The following SLC14A2 variants were observed in gnomAD, a reference collection of about 807,000 sequenced individuals.
SLC14A2 encodes the protein solute carrier family 14 member 2, also known as urea transporter 2.
A neutral mutation model predicts 104.6 loss-of-function variants in SLC14A2; 91 were observed. The observed-to-expected ratio is 0.87, with a 90% CI of 0.73 to 1.04. The LOEUF is 1.04. SLC14A2 is among the 50% of genes least tolerant of loss of function. SLC14A2 has a pLI of 0.00. For missense variants in SLC14A2, 1,189 were observed against 1,156.0 expected, an observed-to-expected ratio of 1.03 and a Z score of -0.41; for synonymous variants, 476 against 466.4, an observed-to-expected ratio of 1.02 and a Z score of -0.27.
intron 2 of SLC14A2, among the ~76,000 whole-genome samples, chr18:45,564,207 A>G (rs7243249): frequency 0.041 from 6,279 of 152,280 alleles, 453 homozygotes; most frequent in African/African-American, 0.14. Flanking sequence ...TCTTGACAAG[A>G]GAGAACTTTT....
chr18:45,315,590 T>G (rs1041524860), intron 1 of SLC14A2, among the ~76,000 whole-genome samples: 5 of 152,072 alleles, frequency 3.3e-5, no homozygotes, highest in Non-Finnish European at 5.9e-5. Flanking sequence ...ATGTTGTGTC[T>G]CAGAACCATC....
At chr18:45,289,890 G>GATCTTC in intron 1 of SLC14A2, among the ~76,000 whole-genome samples, 1 of 152,212 alleles carries the variant, frequency 6.6e-6, no homozygotes, top group Non-Finnish European at 1.5e-5. Context: ...AGATCACTCA[G>GATCTTC]TGGCCTGATA....
chr18:45,391,175 G>A (rs969790879), intron 1 of SLC14A2, among the ~76,000 whole-genome samples: 1 of 152,074 alleles, frequency 6.6e-6, no homozygotes, highest in Non-Finnish European at 1.5e-5. Context: ...AACATGTGGT[G>A]TTTGGTTTTT....
intron 2 of SLC14A2, among the ~76,000 whole-genome samples, chr18:45,561,653 A>G (rs916364523): frequency 6.6e-6 from 1 of 152,210 alleles, no homozygotes; most frequent in African/African-American, 2.4e-5. Context: ...TTCAGAAGGA[A>G]TTAAAAACTC....
intron 1 of SLC14A2, among the ~76,000 whole-genome samples, chr18:45,234,639 T>C (rs1203425060): frequency 1.3e-5 from 2 of 152,214 alleles, no homozygotes; most frequent in African/African-American, 4.8e-5. Context: ...CATTTCATTC[T>C]TTTGGCTTCC....
intron 2 of SLC14A2, among the ~76,000 whole-genome samples, chr18:45,589,226 G>A (rs902354191): frequency 6.7e-6 from 1 of 149,590 alleles, no homozygotes; most frequent in Admixed American, 6.7e-5. Context: ...ATTTGTAGGG[G>A]ATTTACTGCA....
At chr18:45,196,915 C>T in the SLC14A2 span, among the ~76,000 whole-genome samples, 1 of 152,226 alleles carries the variant, frequency 6.6e-6, no homozygotes, top group Non-Finnish European at 1.5e-5. Context: ...ATGCAGCATA[C>T]TGTAACTACA....
chr18:45,359,695 C>T (rs541426283), intron 1 of SLC14A2, among the ~76,000 whole-genome samples: 1 of 152,332 alleles, frequency 6.6e-6, no homozygotes, highest in Non-Finnish European at 1.5e-5. Context: ...ATCGCCTCTC[C>T]TCTCAAACCA....
intron 18 of SLC14A2, among the ~76,000 whole-genome samples, chr18:45,676,715 C>T (rs2046235112): frequency 6.6e-6 from 1 of 152,218 alleles, no homozygotes; most frequent in African/African-American, 2.4e-5. Flanking sequence ...GTCCATGGAG[C>T]TGGAGCTGTG....
In SLC14A2 at chr18:45,247,699, G is replaced by GT. The variant is rs2084380679; in HGVS notation, c.-125+34508_-125+34509insT. Among the ~76,000 whole-genome samples, 13 of 143,692 alleles carry GT rather than the reference G, an allele frequency of 9.0e-5. No individual in the cohort carries two copies. In the South Asian group the frequency reaches 2.9e-3, roughly 32 times the overall value. 94.3% of individuals were successfully genotyped at this position (143,692 alleles called of 152,430 possible). A position where few individuals can be genotyped will look rare whatever the true frequency, so the allele number is the denominator to read the frequency against. On this transcript the variant is annotated intron_variant, in intron 1 of 20. Transcript: ENST00000586448. The stretch of plus-strand genomic sequence containing the variant: ...TCAGTTGGTTATTCTGTTAATGTAG[G>GT]CCTTTTTTTTTTTTTTTTCATATTA...
intron 1 of SLC14A2, among the ~76,000 whole-genome samples, chr18:45,416,073 TAA>T (rs964986478): frequency 6.6e-5 from 10 of 152,166 alleles, no homozygotes; most frequent in Admixed American, 5.9e-4. Context: ...ATGATTATCT[TAA>T]AAGTCTTTTT....
chr18:45,333,710 T>G (rs938475158), intron 1 of SLC14A2, among the ~76,000 whole-genome samples: 1 of 152,148 alleles, frequency 6.6e-6, no homozygotes, highest in African/African-American at 2.4e-5. Flanking sequence ...AGCCAACTAG[T>G]CTTTAATACG....
At chr18:45,291,827 G>A (rs534735782) in intron 1 of SLC14A2, among the ~76,000 whole-genome samples, 2 of 152,096 alleles carry the variant, frequency 1.3e-5, no homozygotes, top group Admixed American at 6.5e-5. Flanking sequence ...CTCCGGGGGC[G>A]GTTGGGGGGG....
At chr18:45,493,465 CA>C (rs1415679888) in intron 2 of SLC14A2, among the ~76,000 whole-genome samples, 1 of 152,164 alleles carries the variant, frequency 6.6e-6, no homozygotes, top group African/African-American at 2.4e-5. Context: ...ATAATAGCAA[CA>C]CCTATAATAA....
At chr18:45,390,609 G>A (rs2085949877) in intron 1 of SLC14A2, among the ~76,000 whole-genome samples, 2 of 151,968 alleles carry the variant, frequency 1.3e-5, no homozygotes, top group African/African-American at 4.8e-5. Context: ...AATAAAAGAT[G>A]CACACATAAG....
At chr18:45,292,636 G>C (rs182204388) in intron 1 of SLC14A2, among the ~76,000 whole-genome samples, 2 of 152,128 alleles carry the variant, frequency 1.3e-5, no homozygotes, top group East Asian at 3.9e-4. Flanking sequence ...CCTTAAATAG[G>C]GTCCCCCAAA....
At position 45,240,640 on chromosome 18, in the gene SLC14A2, T is replaced by G. The variant is rs898093448; in HGVS notation, c.-125+27449T>G. ...TTGGAGGGAGAAAGTGTTTTTTTTTTGTTTTTTTTGTTTTTGTTTTTGGTT... is the reference window on the plus strand; with the variant it reads ...TTGGAGGGAGAAAGTGTTTTTTTTTGGTTTTTTTTGTTTTTGTTTTTGGTT... On this transcript the variant is annotated intron_variant, in intron 1 of 20. Transcript: ENST00000586448. Among the ~76,000 whole-genome samples, 21 of 149,218 alleles carry G rather than the reference T, an allele frequency of 1.4e-4. No individual in the cohort carries two copies. The East Asian group carries it at 1.8e-3, about 12-fold the overall frequency.
intron 2 of SLC14A2, among the ~76,000 whole-genome samples, chr18:45,568,140 G>A (rs2144328280): frequency 6.6e-6 from 1 of 152,334 alleles, no homozygotes; most frequent in African/African-American, 2.4e-5. Flanking sequence ...CGAGGTCCCA[G>A]TCATCATGAG....
chr18:45,587,977 G>C (rs1331759602), intron 2 of SLC14A2, among the ~76,000 whole-genome samples: 1 of 151,312 alleles, frequency 6.6e-6, no homozygotes, highest in Admixed American at 6.6e-5. Flanking sequence ...CTAGTGGTTT[G>C]GACCATATGT....
Sources: gnomAD v4.1 joint callset for allele counts (sites outside exome capture counted in the v4.1 genomes callset) on GRCh38, gnomAD v4.1.1 for gene constraint, MANE v1.5 for transcripts, NCBI Gene and HGNC (gene_info 2026-07-23, HGNC 2026-07-21) for gene names.